Variants in SPEF2 observed in about 807,000 individuals in gnomAD.
The protein encoded by SPEF2 is sperm flagella and cilia-associated protein 2.
Under a neutral mutation model 224.6 loss-of-function variants are expected in SPEF2, and 187 were observed. The ratio of observed to expected loss-of-function variants is 0.83; its 90% CI spans 0.74 to 0.94. SPEF2 has a LOEUF of 0.94. SPEF2 is among the 40% of genes least tolerant of loss of function. SPEF2 has a pLI of 0.00. For missense variants in SPEF2, 2,170 were observed against 2,135.6 expected (o/e 1.02, Z -0.32); for synonymous variants, 715 against 707.3 (o/e 1.01, Z -0.17).
chr5:35,655,906 A>C (rs1229074298), intron 7 of SPEF2, among the ~76,000 whole-genome samples: 3 of 152,242 alleles, frequency 2.0e-5, no homozygotes, highest in African/African-American at 4.8e-5. Flanking sequence ...TTTGGAGAAT[A>C]GATTACAGAA....
chr5:35,643,241 C>T (rs950937022), intron 3 of SPEF2, among the ~76,000 whole-genome samples: 1 of 152,102 alleles, frequency 6.6e-6, no homozygotes, highest in Non-Finnish European at 1.5e-5. Flanking sequence ...ATTCACTGAA[C>T]AAATATTTAT....
rs150702752 is a variant in SPEF2 at position 35,682,704 on chromosome 5, C to T, written c.1525-8333C>T. ...TGTTTGTTGAATTTTGTGCTAGGTG[C>T]TCTGAGATTTTATGCACTGACAAAT... On this transcript the variant is annotated intron_variant, in intron 10 of 36. Coordinates refer to ENST00000356031, the MANE Select transcript of SPEF2 (RefSeq NM_024867.4). Among the ~76,000 whole-genome samples, 287 of 152,256 alleles carry T rather than the reference C, an allele frequency of 1.9e-3. 2 individuals carry two copies. Among genetic ancestry groups the T allele is most frequent in the African/African-American group, 6.5e-3 (270 of 41,554 alleles).
intron 18 of SPEF2, among the ~76,000 whole-genome samples, chr5:35,706,316 T>A (rs1299842623): frequency 6.6e-6 from 1 of 151,784 alleles, no homozygotes; most frequent in African/African-American, 2.4e-5. Flanking sequence ...TTATTATTAT[T>A]AAATTGATTA....
At chr5:35,808,685 G>A (rs562867294) in intron 36 of SPEF2, among the ~76,000 whole-genome samples, 2 of 149,388 alleles carry the variant, frequency 1.3e-5, no homozygotes, top group South Asian at 4.2e-4. Context: ...CCAAGTCTTT[G>A]CTATTGGGTT....
intron 6 of SPEF2, among the ~76,000 whole-genome samples, chr5:35,650,616 C>T (rs1748052427): frequency 1.3e-5 from 2 of 152,144 alleles, no homozygotes; most frequent in African/African-American, 2.4e-5. Flanking sequence ...CCTGGGACCC[C>T]TCAATTTCCA....
At chr5:35,724,085 C>T (rs893246934) in intron 20 of SPEF2, among the ~76,000 whole-genome samples, 1 of 152,150 alleles carries the variant, frequency 6.6e-6, no homozygotes, top group African/African-American at 2.4e-5. Flanking sequence ...TTCTCACAAT[C>T]ATCTATGAAG....
chr5:35,627,278 A>T (rs914680062), intron 1 of SPEF2, among the ~76,000 whole-genome samples: 1 of 152,038 alleles, frequency 6.6e-6, no homozygotes, highest in Non-Finnish European at 1.5e-5. Context: ...AACATTTTTT[A>T]AAAAAGCAAA....
intron 8 of SPEF2, among the ~76,000 whole-genome samples, chr5:35,662,140 C>G (rs183206627): frequency 2.0e-5 from 3 of 152,222 alleles, no homozygotes; most frequent in Non-Finnish European, 4.4e-5. Context: ...GAGATGGTAT[C>G]TCATTATGGT....
At position 35,617,952 on chromosome 5, in the gene SPEF2, G is replaced by T. The variant is rs978452191; in HGVS notation, c.-46G>T. ...CGCGGGCTGGCAGGCTTGGTTCCTG[G>T]CGAGTTTCTAAGCCCCCGCCTGCGG... is the stretch of plus-strand genomic sequence containing the variant. On this transcript the variant is annotated 5_prime_UTR_variant, in exon 1 of 37. Coordinates refer to ENST00000356031, the MANE Select transcript of SPEF2 (RefSeq NM_024867.4). 2.6e-6 allele frequency: 4 copies of T among 1,550,392 alleles called. No homozygotes were observed. The highest frequency in any genetic ancestry group is 3.5e-6 in the Non-Finnish European group (4 of 1,143,770).
rs1009745259 is a variant in SPEF2, at chr5:35,697,438, A to T, written c.2038-252A>T. 5.3e-5 allele frequency among the ~76,000 whole-genome samples: 8 copies of T among 152,162 alleles called. No individual in the cohort carries two copies. In the East Asian group the frequency reaches 1.5e-3, roughly 29 times the overall value. Reference sequence around the variant, plus strand: ...CTCAATCTTTCTGATTTAAGGTATTAGAGAATTAAGTTTGGGGATGCAAGA... The same window carrying T: ...CTCAATCTTTCTGATTTAAGGTATTTGAGAATTAAGTTTGGGGATGCAAGA... On this transcript the variant is annotated intron_variant, in intron 14 of 36. Transcript: ENST00000356031.
intron 10 of SPEF2, among the ~76,000 whole-genome samples, chr5:35,678,273 T>C (rs1752300301): frequency 6.6e-6 from 1 of 152,246 alleles, no homozygotes; most frequent in South Asian, 2.1e-4. Context: ...GATTTCCTGA[T>C]GATCCAGAAT....
At chr5:35,791,882 A>G (rs1000778444) in intron 30 of SPEF2, among the ~76,000 whole-genome samples, 1 of 152,158 alleles carries the variant, frequency 6.6e-6, no homozygotes, top group African/African-American at 2.4e-5. Flanking sequence ...TCCAAAAGGC[A>G]AGATGTGGAT....
chr5:35,718,729 A>ATGG (rs1743078120), intron 20 of SPEF2, among the ~76,000 whole-genome samples: 1 of 152,136 alleles, frequency 6.6e-6, no homozygotes, highest in Non-Finnish European at 1.5e-5. Flanking sequence ...ACCTTTATCC[A>ATGG]TGAAACAGGA....
In SPEF2 at chr5:35,739,972, A is replaced by G; in HGVS notation, c.3117A>G (p.Ile1039Met). The stretch of plus-strand genomic sequence containing the variant: ...GGGAACTAATAGAAAATTCCTATAT[A>G]AACACCATCAAAACAGTACTCAGGC... ...PYWELIENSY[I>M]NTIKTVLRHL... The change falls in exon 22 of 37, where the codon ATA becomes ATG. Residue 1039 changes from isoleucine to methionine, a missense_variant. By Grantham distance (10) the Ile-to-Met change is conservative. Coordinates refer to ENST00000356031, the MANE Select transcript of SPEF2 (RefSeq NM_024867.4). 1 of 1,614,154 alleles carries G rather than the reference A, an allele frequency of 6.2e-7. No homozygotes were observed.
In SPEF2 at chr5:35,763,611, A is replaced by G. The variant is rs975637457; in HGVS notation, c.3710A>G (p.Asn1237Ser). Residue 1237 changes from asparagine (N) to serine (S), a missense_variant, in exon 26 of 37, where the codon AAC becomes AGC. Transcript: ENST00000356031. ...TCAGTACTGAAGGGCAAGATGGATA[A>G]CTCCCTAGAAAACGTTGAGTCCAAC... is the stretch of plus-strand genomic sequence containing the variant. ...TKSVLKGKMD[N>S]SLENVESNFE... The G allele has an allele frequency of 6.2e-7, 1 of 1,613,794 alleles. No homozygotes were observed. The highest frequency in any genetic ancestry group is 1.3e-5 in the African/African-American group (1 of 74,880).
chr5:35,807,797 C>T (rs1460949502), intron 36 of SPEF2: 13 of 1,535,088 alleles, frequency 8.5e-6, no homozygotes, highest in Non-Finnish European at 7.8e-6. Context: ...TCAGAAATCA[C>T]ATAACCACCA....
chr5:35,800,812 G>C (rs1757316973), intron 34 of SPEF2, among the ~76,000 whole-genome samples: 1 of 152,142 alleles, frequency 6.6e-6, no homozygotes. Context: ...CTGATGGGAT[G>C]CTTGGTTCTG....
rs1197853675 is a variant in SPEF2 at position 35,700,552 on chromosome 5, A to G, written c.2198A>G (p.Gln733Arg). 1 of 1,613,842 alleles carries G rather than the reference A, an allele frequency of 6.2e-7. No individual in the cohort carries two copies. Among genetic ancestry groups the G allele is most frequent in the Non-Finnish European group, 8.5e-7 (1 of 1,179,930 alleles). ...ILDGFPMTLN[Q>R]AQLLEEALTG... ...GATGGTTTTCCAATGACTTTAAACC[A>G]AGCACAGCTTCTGGAAGAAGCTCTT... Residue 733 changes from glutamine (Q) to arginine (R), a missense_variant, in exon 16 of 37, where the codon CAA becomes CGA. Coordinates refer to ENST00000356031, the MANE Select transcript of SPEF2 (RefSeq NM_024867.4).
chr5:35,656,528 A>G (rs1020737314), intron 7 of SPEF2, among the ~76,000 whole-genome samples: 1 of 152,160 alleles, frequency 6.6e-6, no homozygotes, highest in African/African-American at 2.4e-5. Context: ...ATACCTACCC[A>G]TTTCAAGTTT....
Sources: allele counts gnomAD v4.1 joint callset (sites outside exome capture counted in the v4.1 genomes callset), GRCh38; gene constraint gnomAD v4.1.1; transcripts MANE v1.5; gene names NCBI Gene and HGNC (gene_info 2026-07-23, HGNC 2026-07-21).